STAP2: variants seen among roughly 807,000 people sequenced by gnomAD.
STAP2 encodes the protein signal transducing adaptor family member 2.
In STAP2, 58 loss-of-function variants were observed where a neutral mutation model predicts 52.7. The observed-to-expected ratio is 1.10, with a 90% confidence interval of 0.89 to 1.37. STAP2 has a LOEUF of 1.37. Among genes scored for constraint, STAP2 ranks in the 40% most tolerant of loss-of-function variants. The probability of loss-of-function intolerance (pLI) is 0.00; values close to 1 mark genes in which losing one functional copy is unlikely to be tolerated. For synonymous variants in STAP2, 231 were observed against 210.5 expected, an observed-to-expected ratio of 1.10 and a Z score of -0.84; for missense variants, 522 against 519.4, an observed-to-expected ratio of 1.00 and a Z score of -0.05.
In STAP2 at chr19:4,324,463, G is replaced by C. The variant is rs750101695; in HGVS notation, c.1139C>G (p.Pro380Arg). ...CCCCGCAGACCCCTTACCGGCTGTG[G>C]GGAAGAGAGGCTGGGCTGAACTGAC... ...LPVSSAQPLF[P>R]TAGLADMTAE... is the part of the protein sequence containing the mutation. Residue 380 changes from proline to arginine, a missense_variant, in exon 12 of 13, where the codon CCC (proline) becomes CGC (arginine). Pro to Arg is a moderately radical substitution (Grantham distance 103). Transcript: ENST00000594605. 1.9e-6 allele frequency: 3 copies of C among 1,570,876 alleles called. No homozygotes were observed. Among genetic ancestry groups the C allele is most frequent in the Non-Finnish European group, 2.6e-6 (3 of 1,155,874 alleles).
In STAP2 at chr19:4,328,763, G is replaced by T. The variant is rs372210250; in HGVS notation, c.502C>A (p.Arg168Ser). 32 of 1,610,622 alleles carry T rather than the reference G, an allele frequency of 2.0e-5. No homozygotes were observed. Among genetic ancestry groups the T allele is most frequent in the Non-Finnish European group, 2.6e-5 (31 of 1,179,120 alleles). Residue 168 changes from arginine (R) to serine (S), a missense_variant, in exon 6 of 13, where the codon CGC becomes AGC. Coordinates refer to ENST00000594605, the MANE Select transcript of STAP2 (RefSeq NM_001013841.2). ...AGCAGGTTCCCGCACTCGGGGTAGCGCTCCAGGAGCAGTTGTGCCTCCAGC... is the reference window on the plus strand; with the variant it reads ...AGCAGGTTCCCGCACTCGGGGTAGCTCTCCAGGAGCAGTTGTGCCTCCAGC... Reference protein sequence around the residue: ...SRLEAQLLLERYPECGNLLLR... With the variant: ...SRLEAQLLLESYPECGNLLLR...
Position 4,330,066 on chromosome 19 carries a change from G to A in STAP2, c.355-5C>T. On this transcript the variant is annotated splice_polypyrimidine_tract_variant and splice_region_variant and intron_variant, in intron 4 of 12. Coordinates refer to ENST00000594605, the MANE Select transcript of STAP2 (RefSeq NM_001013841.2). ...CAAGTCGGTCGGGACACGGAGCTGA[G>A]GGGCGATCGAGGGACAGTGACTGCA... The A allele has an allele frequency of 3.1e-6, 5 of 1,612,718 alleles. No individual in the cohort carries two copies. The highest frequency in any genetic ancestry group is 4.2e-6 in the Non-Finnish European group (5 of 1,179,360).
chr19:4,332,215 TTTTTTTTGA>T (rs2144789587), intron 3 of STAP2, 137 bp from the exon 4 acceptor site: 1 of 449,506 alleles, frequency 2.2e-6, no homozygotes. Flanking sequence ...TTTTTTTTTT[TTTTTTTTGA>T]GATGGAGTCT....
Position 4,324,532 on chromosome 19 carries a change from G to T in STAP2, c.1073-3C>A. On this transcript the variant is annotated splice_region_variant and splice_polypyrimidine_tract_variant and intron_variant, in intron 11 of 12. Transcript: ENST00000594605. ...GCCACCATTAAAGACTTTGGGCTCT[G>T]GAAGAGAAGACAGATGAGGCCAGGT... 1 of 1,564,978 alleles carries T rather than the reference G, an allele frequency of 6.4e-7. No individual in the cohort carries two copies. The highest frequency in any genetic ancestry group is 1.2e-5 in the South Asian group (1 of 85,290).
intron 1 of STAP2, among the ~76,000 whole-genome samples, chr19:4,334,789 CCCATCCATCCATCCCTCCATCATCCAT>C (rs1971947301): frequency 9.5e-5 from 3 of 31,732 alleles, no homozygotes; most frequent in East Asian, 1.0e-3. Flanking sequence ...CATCTGTCCA[CCCATCCATCCATCCCTCCATCATCCAT>C]CCACTCATCC....
intron 1 of STAP2, among the ~76,000 whole-genome samples, chr19:4,334,666 A>C (rs1599554998): frequency 7.6e-5 from 8 of 105,594 alleles, no homozygotes; most frequent in African/African-American, 1.1e-4. Flanking sequence ...TCCGTCCATC[A>C]CCCCCATCCA....
At chr19:4,325,651 T>A (rs1317416164) in intron 9 of STAP2, 106 bp from the exon 10 acceptor site, 1 of 1,286,926 alleles carries the variant, frequency 7.8e-7, no homozygotes, top group African/African-American at 1.5e-5. Context: ...TGTGTCCCTG[T>A]GTGTCTGTGT....
At chr19:4,328,625 C>G in intron 6 of STAP2, 50 bp downstream of exon 6, 1 of 1,517,560 alleles carries the variant, frequency 6.6e-7, no homozygotes. Flanking sequence ...CCGCGCCCAC[C>G]CTCTTCCCAC....
At chr19:4,333,321 C>A (rs777752562) in intron 3 of STAP2, among the ~76,000 whole-genome samples, 1 of 151,984 alleles carries the variant, frequency 6.6e-6, no homozygotes, top group African/African-American at 2.4e-5. Context: ...ATGGTGAAAC[C>A]CCATCTCTAC....
At position 4,327,368 on chromosome 19, in the gene STAP2, T is replaced by C; in HGVS notation, c.608A>G (p.His203Arg). 1 of 1,614,126 alleles carries C rather than the reference T, an allele frequency of 6.2e-7. No individual in the cohort carries two copies. Among genetic ancestry groups the C allele is most frequent in the Non-Finnish European group, 8.5e-7 (1 of 1,179,984 alleles). The change falls in exon 7 of 13, where the codon CAT (histidine) becomes CGT (arginine). Residue 203 changes from histidine to arginine, a missense_variant. Coordinates refer to ENST00000594605, the MANE Select transcript of STAP2 (RefSeq NM_001013841.2). ...GGGGCCCTCCCGCTTCACCTTGTAA[T>C]GCCGGACCACGTGCGTCCTGCACCA... ...QMHNGTHVVR[H>R]YKVKREGPKY...
chr19:4,325,729 G>A (rs1971781652), intron 9 of STAP2, among the ~76,000 whole-genome samples, 184 bp from the exon 10 acceptor site: 1 of 152,202 alleles, frequency 6.6e-6, no homozygotes, highest in Non-Finnish European at 1.5e-5. Context: ...CCAGCACTTT[G>A]GGAGGCCAGG....
In STAP2 at chr19:4,324,456, G is replaced by A. The variant is rs1471061648; in HGVS notation, c.1146C>T (p.Ala382=). 5.1e-6 allele frequency: 8 copies of A among 1,565,970 alleles called. No homozygotes were observed. Among genetic ancestry groups the A allele is most frequent in the South Asian group, 1.2e-5 (1 of 85,468 alleles). ...GCACTGACCCCGCAGACCCCTTACC[G>A]GCTGTGGGGAAGAGAGGCTGGGCTG... ...VSSAQPLFPT[A]GLADMTAELQ... The change falls in exon 12 of 13, where the codon GCC becomes GCT. Residue 382 remains alanine (A), a splice_region_variant and synonymous_variant. Coordinates refer to ENST00000594605, the MANE Select transcript of STAP2 (RefSeq NM_001013841.2).
rs138431656 is a variant in STAP2 at position 4,333,301 on chromosome 19, C to T, written c.297+393G>A. Among the ~76,000 whole-genome samples, 702 of 152,230 alleles carry T rather than the reference C, an allele frequency of 4.6e-3. 2 individuals are homozygous for T. The highest frequency in any genetic ancestry group is 0.014 in the Middle Eastern group (4 of 294). The stretch of plus-strand genomic sequence containing the variant: ...CCTGAGGTGAGGAGTTCCAGGCCAG[C>T]ATGGCCAACATGGTGAAACCCCATC... On this transcript the variant is annotated intron_variant, in intron 3 of 12. Transcript: ENST00000594605.
chr19:4,338,478 A>T (rs777439651), intron 1 of STAP2, among the ~76,000 whole-genome samples, 174 bp downstream of exon 1: 2 of 152,160 alleles, frequency 1.3e-5, no homozygotes, highest in African/African-American at 2.4e-5. Flanking sequence ...GGAGACAGAG[A>T]TAGACGCACA....
chr19:4,328,851 A>T lies in STAP2; in HGVS notation c.456-42T>A, dbSNP rs1321999047. On this transcript the variant is annotated intron_variant, in intron 5 of 12. Coordinates refer to ENST00000594605, the MANE Select transcript of STAP2 (RefSeq NM_001013841.2). ...CACCCACTCGGGACCCCGGAGACCA[A>T]GTCCGCTCTTCTGCACGTAAACCCT... The T allele has an allele frequency of 4.4e-6, 7 of 1,598,464 alleles. No homozygotes were observed. In the Middle Eastern group the frequency reaches 5.0e-4, roughly 114 times the overall value.
intron 9 of STAP2, 100 bp from the exon 10 acceptor site, chr19:4,325,645 TCC>T: frequency 7.5e-7 from 1 of 1,341,688 alleles, no homozygotes; most frequent in Non-Finnish European, 1.0e-6. Context: ...CAGGCATGTG[TCC>T]CTGTGTGTCT....
chr19:4,331,547 T>C (rs1449990451), intron 4 of STAP2, among the ~76,000 whole-genome samples: 3 of 148,550 alleles, frequency 2.0e-5, no homozygotes, highest in African/African-American at 7.5e-5. Context: ...CAAGAATTGC[T>C]TGAACCGGGG....
chr19:4,338,791 G>A lies in STAP2; in HGVS notation c.-38C>T, dbSNP rs1192922342. On this transcript the variant is annotated 5_prime_UTR_variant, in exon 1 of 13. Transcript: ENST00000594605. The stretch of plus-strand genomic sequence containing the variant: ...GTCTTCCGCCTGGCCTCTCCTTCCA[G>A]TGGGTGCCCCAGCTGGGCCGGGAAG... The A allele has an allele frequency of 6.3e-7, 1 of 1,588,828 alleles. No individual in the cohort carries two copies. Among genetic ancestry groups the A allele is most frequent in the African/African-American group, 1.3e-5 (1 of 74,416 alleles).
Position 4,326,995 on chromosome 19 carries a change from G to A in STAP2, c.776C>T (p.Ala259Val). Reference sequence around the variant, plus strand: ...CACATTCTCGCCATTCTCCTTATCGGCTTCCACGTAGCCTGGAACAGAGAG... The same window carrying A: ...CACATTCTCGCCATTCTCCTTATCGACTTCCACGTAGCCTGGAACAGAGAG... ...DYEKVLGYVE[A>V]DKENGENVWV... Residue 259 changes from alanine to valine, a missense_variant, in exon 9 of 13, where the codon GCC (alanine) becomes GTC (valine). Ala to Val is a moderately conservative substitution (Grantham distance 64). Coordinates refer to ENST00000594605, the MANE Select transcript of STAP2 (RefSeq NM_001013841.2). 1 of 1,557,682 alleles carries A rather than the reference G, an allele frequency of 6.4e-7. No individual in the cohort carries two copies. The highest frequency in any genetic ancestry group is 8.7e-7 in the Non-Finnish European group (1 of 1,149,778).
Sources: allele counts gnomAD v4.1 joint callset (sites outside exome capture counted in the v4.1 genomes callset), GRCh38; gene constraint gnomAD v4.1.1; transcripts MANE v1.5; gene names NCBI Gene and HGNC (gene_info 2026-07-23, HGNC 2026-07-21).